Variants in PAG1 observed in about 807,000 individuals in gnomAD.
The protein encoded by PAG1 is phosphoprotein membrane anchor with glycosphingolipid microdomains 1, also known as phosphoprotein associated with glycosphingolipid-enriched microdomains 1.
Under a neutral mutation model 31.7 loss-of-function variants are expected in PAG1, and 23 were observed. The ratio of observed to expected loss-of-function variants is 0.73; its 90% confidence interval spans 0.52 to 1.03. PAG1 has a LOEUF of 1.03. Ranked by LOEUF, PAG1 falls within the 50% of genes least tolerant of loss-of-function variation. PAG1 has a pLI of 0.00. For missense variants in PAG1, 473 were observed against 540.7 expected (o/e 0.87, Z 1.24); for synonymous variants, 214 against 210.3 (o/e 1.02, Z -0.15).
At chr8:81,103,073 A>G (rs565721183) in intron 1 of PAG1, among the ~76,000 whole-genome samples, 43 of 152,218 alleles carry the variant, frequency 2.8e-4, no homozygotes, top group African/African-American at 7.5e-4. Context: ...TATAAGTTAA[A>G]ATATTGAATC....
At chr8:81,080,245 T>A (rs1005306813) in intron 1 of PAG1, among the ~76,000 whole-genome samples, 2 of 152,168 alleles carry the variant, frequency 1.3e-5, no homozygotes, top group African/African-American at 4.8e-5. Flanking sequence ...TATTTCGTTT[T>A]AGTGACTAGC....
intron 2 of PAG1, among the ~76,000 whole-genome samples, chr8:81,044,929 G>A (rs902463074): frequency 2.6e-5 from 4 of 151,888 alleles, no homozygotes; most frequent in African/African-American, 7.3e-5. Flanking sequence ...CAGTCTCCCC[G>A]GGCATAACTG....
At chr8:81,025,906 G>C (rs150100440) in intron 3 of PAG1, among the ~76,000 whole-genome samples, 1 of 152,162 alleles carries the variant, frequency 6.6e-6, no homozygotes. Context: ...TGTGGGGGCA[G>C]TGTGTGTGTT....
chr8:81,010,540 C>A (rs1211482461), intron 3 of PAG1, among the ~76,000 whole-genome samples: 1 of 152,042 alleles, frequency 6.6e-6, no homozygotes, highest in Non-Finnish European at 1.5e-5. Context: ...GGTAACATAC[C>A]ACTGTTTTTA....
intron 3 of PAG1, among the ~76,000 whole-genome samples, chr8:81,017,672 G>C (rs190310469): frequency 1.6e-4 from 25 of 152,276 alleles, no homozygotes; most frequent in Admixed American, 5.2e-4. Context: ...CAATTACAAA[G>C]AGCAGGAGCA....
chr8:81,015,283 T>A (rs1170092434), intron 3 of PAG1, among the ~76,000 whole-genome samples: 2 of 152,228 alleles, frequency 1.3e-5, no homozygotes, highest in African/African-American at 4.8e-5. Context: ...AAGGTTTTTG[T>A]TCTTTGTATA....
chr8:80,988,271 G>T (rs796478249), intron 5 of PAG1, among the ~76,000 whole-genome samples: 7 of 152,260 alleles, frequency 4.6e-5, no homozygotes, highest in African/African-American at 1.7e-4. Context: ...TATTGGTAAA[G>T]GTGTGCCATG....
rs531105200 is a variant in PAG1 at position 80,973,538 on chromosome 8, C to T, written c.*3006G>A. ...GAGATAGATTTATAATTCTTACTTA[C>T]AAGATAAAAAAATTTCCTAAAATTT... is the stretch of plus-strand genomic sequence containing the variant. On this transcript the variant is annotated 3_prime_UTR_variant, in exon 9 of 9. Coordinates refer to ENST00000220597, the MANE Select transcript of PAG1 (RefSeq NM_018440.4). 13 of 152,182 alleles carry T rather than the reference C, an allele frequency of 8.5e-5. No homozygotes were observed. The South Asian group carries it at 1.9e-3, about 22-fold the overall frequency. The allele number at this position is 152,182 out of a possible 1,614,324, so 9.4% of individuals were successfully genotyped here.
intron 2 of PAG1, among the ~76,000 whole-genome samples, chr8:81,034,101 G>A (rs763927154): frequency 6.6e-6 from 1 of 152,178 alleles, no homozygotes; most frequent in Non-Finnish European, 1.5e-5. Context: ...CTCAATTACA[G>A]ATTCTCAAAT....
rs537992970 is a variant in PAG1, at chr8:81,064,464, G to T, written c.-175+5648C>A. On this transcript the variant is annotated intron_variant, in intron 2 of 8. Transcript: ENST00000220597. ...TGACTTCCTAATCAGCTTCCTATAG[G>T]AGTGCATAATTAATTAATGCTAAAA... Among the ~76,000 whole-genome samples the T allele has an allele frequency of 7.2e-5, 11 of 152,258 alleles. No homozygotes were observed. The South Asian group carries it at 2.3e-3, about 32-fold the overall frequency.
chr8:81,091,998 T>TC (rs1809453668), intron 1 of PAG1, among the ~76,000 whole-genome samples: 1 of 95,662 alleles, frequency 1.0e-5, no homozygotes, highest in Admixed American at 1.2e-4. Flanking sequence ...AGACCTTGTC[T>TC]CAAAAAAAAA....
At chr8:81,083,681 T>C (rs1809304762) in intron 1 of PAG1, among the ~76,000 whole-genome samples, 1 of 152,218 alleles carries the variant, frequency 6.6e-6, no homozygotes, top group Non-Finnish European at 1.5e-5. Flanking sequence ...CATCTTTTAC[T>C]TATTTGTTTT....
chr8:81,028,229 T>TTCCAG (rs1210074309), intron 3 of PAG1, among the ~76,000 whole-genome samples: 1 of 152,238 alleles, frequency 6.6e-6, no homozygotes, highest in Non-Finnish European at 1.5e-5. Flanking sequence ...CAGTTCACGG[T>TTCCAG]TTGCATGCTG....
At chr8:81,034,543 G>T (rs1808431469) in intron 2 of PAG1, among the ~76,000 whole-genome samples, 1 of 152,158 alleles carries the variant, frequency 6.6e-6, no homozygotes, top group African/African-American at 2.4e-5. Context: ...ATCTACCTAT[G>T]CTGAATTCCC....
At chr8:81,055,149 C>T (rs1421780706) in intron 2 of PAG1, among the ~76,000 whole-genome samples, 3 of 150,116 alleles carry the variant, frequency 2.0e-5, no homozygotes, top group African/African-American at 7.4e-5. Context: ...CTGCAGCCTA[C>T]AACTCTTGGG....
rs1807023254 is a variant in PAG1 at position 80,969,074 on chromosome 8, G to A, written c.*7470C>T. ...AAATGTTTGCTGACTTGAACGTAAG[G>A]TTCAGCTTTCCTGATGCTTTTCACA... On this transcript the variant is annotated 3_prime_UTR_variant, in exon 9 of 9. Coordinates refer to ENST00000220597, the MANE Select transcript of PAG1 (RefSeq NM_018440.4). 1 of 152,218 alleles carries A rather than the reference G, an allele frequency of 6.6e-6. No homozygotes were observed. Among genetic ancestry groups the A allele is most frequent in the African/African-American group, 2.4e-5 (1 of 41,452 alleles). 9.4% of individuals were successfully genotyped at this position (152,218 alleles called of 1,614,324 possible).
Position 80,981,828 on chromosome 8 carries a change from A to G in PAG1, c.877-1334T>C, listed in dbSNP as rs548998751. On this transcript the variant is annotated intron_variant, in intron 7 of 8. Coordinates refer to ENST00000220597, the MANE Select transcript of PAG1 (RefSeq NM_018440.4). ...CTAAAACCAAAACAAACCTAGTCCT[A>G]CTCCGAAATTCTACCTACTCATTAT... 2.9e-5 allele frequency among the ~76,000 whole-genome samples: 4 copies of G among 136,056 alleles called. No individual in the cohort carries two copies. In the East Asian group the frequency reaches 8.4e-4, roughly 29 times the overall value. 89.3% of individuals were successfully genotyped at this position (136,056 alleles called of 152,430 possible). A position where few individuals can be genotyped will look rare whatever the true frequency, so the allele number is the denominator to read the frequency against.
Position 81,089,308 on chromosome 8 carries a change from G to A in PAG1, c.-233-19138C>T, listed in dbSNP as rs553103884. Among the ~76,000 whole-genome samples the A allele has an allele frequency of 6.9e-3, 1,045 of 152,266 alleles. 17 individuals carry two copies. Among genetic ancestry groups the A allele is most frequent in the Middle Eastern group, 0.031 (9 of 294 alleles). Reference sequence around the variant, plus strand: ...TGATGGGCCAGGCGCAGTGGCTCACGCCTGTAATCCCAGCACTTTGGGGGC... The same window carrying A: ...TGATGGGCCAGGCGCAGTGGCTCACACCTGTAATCCCAGCACTTTGGGGGC... On this transcript the variant is annotated intron_variant, in intron 1 of 8. Transcript: ENST00000220597.
rs1377378813 is a variant in PAG1 at position 80,975,483 on chromosome 8, A to G, written c.*1061T>C. 1.3e-5 allele frequency: 2 copies of G among 152,244 alleles called. No homozygotes were observed. Among genetic ancestry groups the G allele is most frequent in the Non-Finnish European group, 2.9e-5 (2 of 68,044 alleles). The allele number at this position is 152,244 out of a possible 1,614,324, so 9.4% of individuals were successfully genotyped here. A position where few individuals can be genotyped will look rare whatever the true frequency, so the allele number is the denominator to read the frequency against. ...AACATAAAACATCTTATAAACTTAC[A>G]TAACAAAAATAAATGTTTACATTTT... On this transcript the variant is annotated 3_prime_UTR_variant, in exon 9 of 9. Transcript: ENST00000220597.
Sources: allele counts gnomAD v4.1 joint callset (sites outside exome capture counted in the v4.1 genomes callset), GRCh38; gene constraint gnomAD v4.1.1; transcripts MANE v1.5; gene names NCBI Gene and HGNC (gene_info 2026-07-23, HGNC 2026-07-21).